The following STIL variants were observed in gnomAD, a reference collection of about 807,000 sequenced individuals.
The protein encoded by STIL is STIL centriolar assembly protein.
In STIL, 55 loss-of-function variants were observed where a neutral mutation model predicts 110.1. The observed-to-expected ratio is 0.50, with a 90% confidence interval of 0.40 to 0.63. The LOEUF is 0.63. Ranked by LOEUF, STIL falls within the 20% of genes least tolerant of loss-of-function variation. The probability of loss-of-function intolerance (pLI) is 0.00; values close to 1 mark genes in which losing one functional copy is unlikely to be tolerated. For missense variants in STIL, 1,358 were observed against 1,530.0 expected, an observed-to-expected ratio of 0.89 and a Z score of 1.87; for synonymous variants, 481 against 530.0, an observed-to-expected ratio of 0.91 and a Z score of 1.27.
intron 12 of STIL, among the ~76,000 whole-genome samples, chr1:47,275,671 C>T (rs1040357235): frequency 4.6e-5 from 7 of 151,962 alleles, no homozygotes; most frequent in Admixed American, 4.6e-4. Flanking sequence ...GTCGCCTAGG[C>T]CAGAGTACAG....
intron 16 of STIL, among the ~76,000 whole-genome samples, chr1:47,253,661 A>AT (rs1248130670): frequency 6.6e-6 from 1 of 152,002 alleles, no homozygotes; most frequent in Non-Finnish European, 1.5e-5. Context: ...AGTAACTTGG[A>AT]TTTTTTCTAT....
At chr1:47,267,241 G>A (rs1172155096) in intron 14 of STIL, among the ~76,000 whole-genome samples, 3 of 152,100 alleles carry the variant, frequency 2.0e-5, no homozygotes, top group Non-Finnish European at 4.4e-5. Context: ...TACTTTTTCA[G>A]AGCAGTTGTC....
rs1344023623 is a variant in STIL, at chr1:47,274,070, C to G, written c.2218-1829G>C. Among the ~76,000 whole-genome samples, 5 of 147,484 alleles carry G rather than the reference C, an allele frequency of 3.4e-5. No homozygotes were observed. In the East Asian group the frequency reaches 9.8e-4, roughly 29 times the overall value. On this transcript the variant is annotated intron_variant, in intron 12 of 16. Coordinates refer to ENST00000371877, the MANE Select transcript of STIL (RefSeq NM_001048166.1). ...TAATTTGTTGCGTACTTCCTCTAGC[C>G]AGGTCCCATACTAAGTAAGCACTTT... is the stretch of plus-strand genomic sequence containing the variant.
intron 12 of STIL, among the ~76,000 whole-genome samples, chr1:47,274,902 A>G (rs1405544563): frequency 6.6e-6 from 1 of 152,130 alleles, no homozygotes; most frequent in East Asian, 1.9e-4. Flanking sequence ...CTGAAATCCC[A>G]GCACTTTGGG....
At chr1:47,292,174 G>A (rs1645511940) in intron 8 of STIL, among the ~76,000 whole-genome samples, 1 of 151,736 alleles carries the variant, frequency 6.6e-6, no homozygotes, top group South Asian at 2.1e-4. Context: ...CTGGTCTGGG[G>A]ACCTTTATTT....
At chr1:47,269,014 C>T (rs1644741098) in intron 14 of STIL, among the ~76,000 whole-genome samples, 1 of 151,462 alleles carries the variant, frequency 6.6e-6, no homozygotes, top group Admixed American at 6.6e-5. Flanking sequence ...TGGCGTGAAC[C>T]CGGGAGGTGG....
chr1:47,270,321 A>G (rs889443775), intron 13 of STIL, among the ~76,000 whole-genome samples: 1 of 150,598 alleles, frequency 6.6e-6, no homozygotes, highest in African/African-American at 2.4e-5. Context: ...TTTTTAGATT[A>G]TATTTCCTCA....
intron 14 of STIL, among the ~76,000 whole-genome samples, chr1:47,265,259 A>AAAAAAAAAAAAC (rs1422353607): frequency 6.6e-6 from 1 of 150,546 alleles, no homozygotes; most frequent in Non-Finnish European, 1.5e-5. Flanking sequence ...AAAAAAAAAA[A>AAAAAAAAAAAAC]ACACAAGATT....
Position 47,282,460 on chromosome 1 carries a change from C to A in STIL, c.1134-1G>T. 1 of 1,591,454 alleles carries A rather than the reference C, an allele frequency of 6.3e-7. No individual in the cohort carries two copies. Among genetic ancestry groups the A allele is most frequent in the South Asian group, 1.1e-5 (1 of 90,608 alleles). The stretch of plus-strand genomic sequence containing the variant: ...CCCAGAAGATAACTTTTGGGAAGAC[C>A]TAAAGAATAGAAGGGGAGACCAGAA... On this transcript the variant is annotated splice_acceptor_variant, in intron 10 of 16. Coordinates refer to ENST00000371877, the MANE Select transcript of STIL (RefSeq NM_001048166.1). LOFTEE classifies it high-confidence loss of function.
chr1:47,260,924 A>C (rs1039830675), intron 15 of STIL, among the ~76,000 whole-genome samples: 2 of 152,218 alleles, frequency 1.3e-5, no homozygotes, highest in Non-Finnish European at 2.9e-5. Context: ...TTAATGATAC[A>C]ACAAGGCCAG....
chr1:47,305,212 GC>G, intron 2 of STIL: 5 of 447,816 alleles, frequency 1.1e-5, no homozygotes, highest in Non-Finnish European at 2.0e-5. Context: ...TGCAACCTCT[GC>G]CTCCTGGGTT....
intron 15 of STIL, among the ~76,000 whole-genome samples, chr1:47,261,266 T>C (rs1406217146): frequency 1.3e-5 from 2 of 151,246 alleles, no homozygotes; most frequent in Non-Finnish European, 2.9e-5. Flanking sequence ...CACGTACCTG[T>C]GGTCCCGGCT....
intron 14 of STIL, among the ~76,000 whole-genome samples, chr1:47,264,119 C>A (rs1644567110): frequency 6.6e-6 from 1 of 152,168 alleles, no homozygotes; most frequent in South Asian, 2.1e-4. Flanking sequence ...TGAAAAAGAA[C>A]AAACCCAAAT....
chr1:47,270,277 C>T (rs1052664709), intron 13 of STIL, among the ~76,000 whole-genome samples: 1 of 150,596 alleles, frequency 6.6e-6, no homozygotes, highest in African/African-American at 2.4e-5. Context: ...CACACACACA[C>T]ACACACACAC....
intron 6 of STIL, among the ~76,000 whole-genome samples, chr1:47,298,774 C>T (rs763182368): frequency 4.6e-5 from 7 of 151,814 alleles, no homozygotes; most frequent in African/African-American, 9.7e-5. Context: ...GACAGAGTCT[C>T]GCTCTGCCGC....
intron 1 of STIL, among the ~76,000 whole-genome samples, chr1:47,311,656 C>A (rs1646130172): frequency 6.6e-6 from 1 of 152,152 alleles, no homozygotes; most frequent in Non-Finnish European, 1.5e-5. Flanking sequence ...TAAACACAGA[C>A]CTCGTAGTCC....
intron 15 of STIL, among the ~76,000 whole-genome samples, chr1:47,261,174 G>C (rs1223369565): frequency 6.6e-6 from 1 of 152,052 alleles, no homozygotes; most frequent in Non-Finnish European, 1.5e-5. Context: ...GATCACTTTA[G>C]GTCAGGAGTT....
In STIL at chr1:47,295,933, T is replaced by C. The variant is rs550158611; in HGVS notation, c.702-85A>G. 3.6e-5 allele frequency: 36 copies of C among 989,254 alleles called. No individual in the cohort carries two copies. In the East Asian group the frequency reaches 8.6e-4, roughly 24 times the overall value. 61.3% of individuals were successfully genotyped at this position (989,254 alleles called of 1,614,324 possible). ...ATAATCTAAATGCTGAAGCATACTT[T>C]AGAAAGGGGAGATAATTCAAATGAA... On this transcript the variant is annotated intron_variant, in intron 6 of 16. Coordinates refer to ENST00000371877, the MANE Select transcript of STIL (RefSeq NM_001048166.1).
At chr1:47,283,833 T>C (rs1242689387) in intron 10 of STIL, 4 of 151,148 alleles carry the variant, frequency 2.6e-5, no homozygotes, top group African/African-American at 4.9e-5. Flanking sequence ...TGTTTTGTAC[T>C]TAAGATGAAT....
Sources: gnomAD v4.1 joint callset for allele counts (sites outside exome capture counted in the v4.1 genomes callset) on GRCh38, gnomAD v4.1.1 for gene constraint, MANE v1.5 for transcripts, NCBI Gene and HGNC (gene_info 2026-07-23, HGNC 2026-07-21) for gene names.